ERBB4: variants seen among roughly 807,000 people sequenced by gnomAD.
ERBB4 encodes the protein erb-b2 receptor tyrosine kinase 4.
A neutral mutation model predicts 158.0 loss-of-function variants in ERBB4; 42 were observed. The observed-to-expected ratio is 0.27, with a 90% confidence interval of 0.21 to 0.34. ERBB4 has a LOEUF of 0.34. ERBB4 is among the 10% of genes least tolerant of loss of function. The pLI is 1.00. For synonymous variants in ERBB4, 583 were observed against 558.7 expected (o/e 1.04, Z -0.61); for missense variants, 1,333 against 1,624.1 (o/e 0.82, Z 3.08).
At chr2:211,989,715 C>T (rs1008456195) in intron 2 of ERBB4, among the ~76,000 whole-genome samples, 2 of 151,842 alleles carry the variant, frequency 1.3e-5, no homozygotes, top group Non-Finnish European at 2.9e-5. Context: ...GGGATGCAAT[C>T]TAATCATATT....
intron 4 of ERBB4, among the ~76,000 whole-genome samples, chr2:211,773,962 T>C (rs1034231104): frequency 6.6e-6 from 1 of 151,998 alleles, no homozygotes; most frequent in Admixed American, 6.6e-5. Context: ...ATTGTGCTGT[T>C]ATCCCTAGGG....
At chr2:211,989,271 G>A (rs1399369606) in intron 2 of ERBB4, among the ~76,000 whole-genome samples, 1 of 151,820 alleles carries the variant, frequency 6.6e-6, no homozygotes, top group Non-Finnish European at 1.5e-5. Flanking sequence ...ATCTTGCCAA[G>A]TATTTTATAA....
intron 1 of ERBB4, among the ~76,000 whole-genome samples, chr2:212,380,892 C>T (rs1258793096): frequency 2.0e-5 from 3 of 151,048 alleles, no homozygotes; most frequent in East Asian, 3.9e-4. Context: ...AAGAAAGGCC[C>T]ATTATTTATT....
intron 3 of ERBB4, among the ~76,000 whole-genome samples, chr2:211,827,727 TTATATG>T (rs1242620054): frequency 1.3e-5 from 2 of 152,110 alleles, no homozygotes; most frequent in African/African-American, 4.8e-5. Flanking sequence ...AATCTAGACT[TTATATG>T]TATATATTAT....
chr2:212,361,575 A>G (rs1280210012), intron 1 of ERBB4, among the ~76,000 whole-genome samples: 3 of 151,140 alleles, frequency 2.0e-5, no homozygotes, highest in Admixed American at 1.3e-4. Context: ...CAGACTTTCT[A>G]TAGTAGAAGA....
At chr2:212,084,506 A>G (rs973074204) in intron 2 of ERBB4, among the ~76,000 whole-genome samples, 2 of 152,022 alleles carry the variant, frequency 1.3e-5, no homozygotes, top group Non-Finnish European at 2.9e-5. Context: ...CATTGTGAAC[A>G]AATTTGATTT....
rs1235544075 is a variant in ERBB4, at chr2:212,512,749, T to C, written c.82+25700A>G. On this transcript the variant is annotated intron_variant, in intron 1 of 27. Transcript: ENST00000342788. ...GATTATAACACACATAAATTTTCCT[T>C]ATCAGATAATTCCATAAATCAAATC... Among the ~76,000 whole-genome samples, 4 of 152,124 alleles carry C rather than the reference T, an allele frequency of 2.6e-5. No individual in the cohort carries two copies. The East Asian group carries it at 7.7e-4, about 29-fold the overall frequency.
At chr2:211,851,887 T>A (rs1559575117) in intron 3 of ERBB4, among the ~76,000 whole-genome samples, 1 of 151,954 alleles carries the variant, frequency 6.6e-6, no homozygotes, top group Non-Finnish European at 1.5e-5. Flanking sequence ...CATTTTACTT[T>A]ATTAAACAGT....
At chr2:212,069,525 T>C (rs1483612227) in intron 2 of ERBB4, among the ~76,000 whole-genome samples, 3 of 152,068 alleles carry the variant, frequency 2.0e-5, no homozygotes, top group East Asian at 1.9e-4. Context: ...CGTTTACTCC[T>C]TCTGCTTCTA....
intron 1 of ERBB4, among the ~76,000 whole-genome samples, chr2:212,505,458 T>C (rs1229654282): frequency 8.0e-6 from 1 of 124,346 alleles, no homozygotes; most frequent in East Asian, 1.9e-4. Flanking sequence ...TGAGGTCATA[T>C]GTGTAAAAAC....
intron 2 of ERBB4, among the ~76,000 whole-genome samples, chr2:212,080,911 T>A (rs1266386517): frequency 1.3e-5 from 2 of 152,198 alleles, no homozygotes; most frequent in Non-Finnish European, 2.9e-5. Flanking sequence ...TATTTCTGGA[T>A]GCTTCATGAT....
intron 1 of ERBB4, among the ~76,000 whole-genome samples, chr2:212,518,903 T>C (rs781056138): frequency 3.3e-5 from 5 of 151,912 alleles, no homozygotes. Flanking sequence ...TGTCAGGCAA[T>C]AATCCTAGAG....
At chr2:212,275,452 A>C (rs1056499201) in intron 1 of ERBB4, among the ~76,000 whole-genome samples, 6 of 151,818 alleles carry the variant, frequency 4.0e-5, no homozygotes, top group Admixed American at 6.6e-5. Flanking sequence ...CTGACTTTTT[A>C]ATGATTGCCA....
Position 212,201,559 on chromosome 2 carries a change from T to C in ERBB4, c.83-76656A>G, listed in dbSNP as rs115098571. On this transcript the variant is annotated intron_variant, in intron 1 of 27. Transcript: ENST00000342788. ...TCTAATTATTTTCTCTAATGTTCTT[T>C]AAATAATATTGATTCATTCAGAATA... Among the ~76,000 whole-genome samples, 687 of 152,324 alleles carry C rather than the reference T, an allele frequency of 4.5e-3. 8 individuals are homozygous for C. The highest frequency in any genetic ancestry group is 0.016 in the African/African-American group (655 of 41,574).
chr2:211,866,037 A>T (rs2078197558), intron 3 of ERBB4, among the ~76,000 whole-genome samples: 1 of 152,110 alleles, frequency 6.6e-6, no homozygotes, highest in Admixed American at 6.6e-5. Context: ...TATAAAAACT[A>T]TCAGGAGAAC....
intron 2 of ERBB4, among the ~76,000 whole-genome samples, chr2:212,063,955 T>C (rs1266286355): frequency 6.6e-6 from 1 of 152,140 alleles, no homozygotes. Context: ...GTCCCCTCTT[T>C]GCATTTTACA....
intron 19 of ERBB4, among the ~76,000 whole-genome samples, chr2:211,591,059 T>C (rs1249465372): frequency 6.6e-6 from 1 of 152,224 alleles, no homozygotes; most frequent in African/African-American, 2.4e-5. Flanking sequence ...TGTTATCACA[T>C]TGTTAGCACC....
At chr2:211,573,533 G>A (rs1432276046) in intron 19 of ERBB4, among the ~76,000 whole-genome samples, 2 of 152,034 alleles carry the variant, frequency 1.3e-5, no homozygotes, top group Non-Finnish European at 2.9e-5. Context: ...AGCCGGGCAT[G>A]GTGGCAGGAG....
At chr2:212,023,389 T>A (rs1258898184) in intron 2 of ERBB4, among the ~76,000 whole-genome samples, 1 of 152,110 alleles carries the variant, frequency 6.6e-6, no homozygotes, top group Non-Finnish European at 1.5e-5. Flanking sequence ...TATGAGATGA[T>A]ATTTCCAGAT....
Sources: gnomAD v4.1 joint callset for allele counts (sites outside exome capture counted in the v4.1 genomes callset) on GRCh38, gnomAD v4.1.1 for gene constraint, MANE v1.5 for transcripts, NCBI Gene and HGNC (gene_info 2026-07-23, HGNC 2026-07-21) for gene names.